The following ZFP82 variants were observed in gnomAD, a reference collection of about 807,000 sequenced individuals.
ZFP82 encodes the protein zinc finger protein 82 homolog.
Under a neutral mutation model 54.0 loss-of-function variants are expected in ZFP82, and 30 were observed. That is an observed-to-expected ratio of 0.56 (90% CI 0.42 to 0.75). The LOEUF (loss-of-function observed/expected upper bound fraction) is 0.75, where lower values mean the gene tolerates loss of function less well. ZFP82 is among the 30% of genes least tolerant of loss of function. ZFP82 has a pLI of 0.00. For synonymous variants in ZFP82, 194 were observed against 209.5 expected (o/e 0.93, Z 0.64); for missense variants, 500 against 636.8 (o/e 0.79, Z 2.31).
chr19:36,399,851 G>A (rs2032353903), intron 4 of ZFP82, among the ~76,000 whole-genome samples: 2 of 152,140 alleles, frequency 1.3e-5, no homozygotes, highest in Non-Finnish European at 2.9e-5. Context: ...GACGTATTCT[G>A]CACTCATACT....
intron 4 of ZFP82, among the ~76,000 whole-genome samples, chr19:36,404,539 T>C (rs1201939812): frequency 6.6e-6 from 1 of 152,248 alleles, no homozygotes; most frequent in African/African-American, 2.4e-5. Context: ...ACTTGTGTCC[T>C]ACATTTACCC....
Position 36,396,834 on chromosome 19 carries a change from C to T in ZFP82, c.230-2724G>A, listed in dbSNP as rs187618822. ...CTGGGTTGGGTGACAGAGCAAGACT[C>T]TGTTTCTTTAAAAAAAAAAAAAAAA... On this transcript the variant is annotated intron_variant, in intron 4 of 4. Coordinates refer to ENST00000392161, the MANE Select transcript of ZFP82 (RefSeq NM_133466.4). Among the ~76,000 whole-genome samples the T allele has an allele frequency of 4.6e-3, 526 of 113,984 alleles. 2 individuals are homozygous for T. Among genetic ancestry groups the T allele is most frequent in the African/African-American group, 0.017 (506 of 29,860 alleles). The allele number at this position is 113,984 out of a possible 152,430, so 74.8% of individuals were successfully genotyped here.
chr19:36,397,988 T>C (rs760589477), intron 4 of ZFP82, among the ~76,000 whole-genome samples: 1 of 152,132 alleles, frequency 6.6e-6, no homozygotes, highest in African/African-American at 2.4e-5. Flanking sequence ...ATAGAGCAAA[T>C]AGAGAATGTG....
rs1191455845 is a variant in ZFP82 at position 36,406,206 on chromosome 19, A to G, written c.137-534T>C. On this transcript the variant is annotated intron_variant, in intron 3 of 4. Coordinates refer to ENST00000392161, the MANE Select transcript of ZFP82 (RefSeq NM_133466.4). ...GTATTATTTCTTGGATATTCAAACA[A>G]TGTTAAATTAAATGTAAAGTTCTTG... 2.0e-5 allele frequency among the ~76,000 whole-genome samples: 3 copies of G among 152,228 alleles called. No individual in the cohort carries two copies. In the East Asian group the frequency reaches 5.8e-4, roughly 29 times the overall value.
rs140457540 is a variant in ZFP82, at chr19:36,400,849, T to G, written c.229+4731A>C. On this transcript the variant is annotated intron_variant, in intron 4 of 4. Coordinates refer to ENST00000392161, the MANE Select transcript of ZFP82 (RefSeq NM_133466.4). ...ACATAATTCCTCCAGAGTTGTCTTA[T>G]ACTCATTCTTGTTACTGCCTCACAA... Among the ~76,000 whole-genome samples the G allele has an allele frequency of 1.1e-3, 160 of 152,304 alleles. 1 individual carries two copies. In the East Asian group the frequency reaches 0.021, roughly 20 times the overall value.
downstream of ZFP82, among the ~76,000 whole-genome samples, chr19:36,385,309 A>G (rs907972098): frequency 6.6e-6 from 1 of 152,130 alleles, no homozygotes; most frequent in Non-Finnish European, 1.5e-5. Flanking sequence ...CAGCCTGTCA[A>G]TCTTGGGCTT....
At chr19:36,396,454 T>C (rs2032294896) in intron 4 of ZFP82, among the ~76,000 whole-genome samples, 2 of 152,120 alleles carry the variant, frequency 1.3e-5, no homozygotes, top group South Asian at 2.1e-4. Context: ...GAGACCATCC[T>C]GACTAACACG....
At chr19:36,409,151 G>C (rs1200594832) in intron 2 of ZFP82, among the ~76,000 whole-genome samples, 1 of 152,110 alleles carries the variant, frequency 6.6e-6, no homozygotes, top group East Asian at 1.9e-4. Flanking sequence ...AAAGATCTCA[G>C]ATCTCTCTAT....
At chr19:36,407,742 C>T in intron 3 of ZFP82, 145 bp downstream of exon 3, 1 of 796,312 alleles carries the variant, frequency 1.3e-6, no homozygotes, top group South Asian at 2.0e-5. Flanking sequence ...GTGCTCACTT[C>T]CAATGAAATA....
At chr19:36,387,793 T>C (rs1013848630), downstream of ZFP82, among the ~76,000 whole-genome samples, 30 of 152,116 alleles carry the variant, frequency 2.0e-4, no homozygotes, top group African/African-American at 7.2e-4. Context: ...TTTGTATTTT[T>C]AGTAGAGATG....
At chr19:36,397,344 C>T (rs1391392869) in intron 4 of ZFP82, among the ~76,000 whole-genome samples, 1 of 152,006 alleles carries the variant, frequency 6.6e-6, no homozygotes, top group African/African-American at 2.4e-5. Context: ...CCACCCGCCT[C>T]GGCCTCCCAA....
chr19:36,403,322 CAAAAAAAAAAA>C (rs138418003), intron 4 of ZFP82, among the ~76,000 whole-genome samples: 7 of 65,514 alleles, frequency 1.1e-4, no homozygotes, highest in Admixed American at 2.0e-4. Context: ...GACTCCATCT[CAAAAAAAAAAA>C]AAAAAAAAGG....
downstream of ZFP82, among the ~76,000 whole-genome samples, chr19:36,385,816 T>C (rs923289306): frequency 2.6e-5 from 4 of 152,202 alleles, no homozygotes; most frequent in African/African-American, 9.6e-5. Context: ...TTAAGAGCAA[T>C]GAACTAATAT....
intron 4 of ZFP82, among the ~76,000 whole-genome samples, chr19:36,402,134 T>C (rs1355972068): frequency 6.6e-6 from 1 of 152,232 alleles, no homozygotes; most frequent in Non-Finnish European, 1.5e-5. Context: ...TGAGTGTTAA[T>C]AATTGCAAAT....
rs1313955639 is a variant in ZFP82, at chr19:36,391,139, AAT to A, written c.*1600_*1601del. On this transcript the variant is annotated 3_prime_UTR_variant, in exon 5 of 5. Coordinates refer to ENST00000392161, the MANE Select transcript of ZFP82 (RefSeq NM_133466.4). ...CTTCACCAACTTTTGGTTGTCTTGA[AAT>A]ATAGTTTGTAAAGGATAGGCAAGGT... 1 of 152,118 alleles carries A rather than the reference AAT, an allele frequency of 6.6e-6. No individual in the cohort carries two copies. Among genetic ancestry groups the A allele is most frequent in the Non-Finnish European group, 1.5e-5 (1 of 68,022 alleles). The allele number at this position is 152,118 out of a possible 1,614,324, so 9.4% of individuals were successfully genotyped here.
At chr19:36,414,049 C>T (rs964707494) in intron 1 of ZFP82, among the ~76,000 whole-genome samples, 11 of 151,338 alleles carry the variant, frequency 7.3e-5, no homozygotes, top group Non-Finnish European at 1.5e-4. Flanking sequence ...TACAGGTGCC[C>T]GCCACCACGC....
chr19:36,411,614 TG>T (rs2032581919), intron 1 of ZFP82, among the ~76,000 whole-genome samples: 1 of 152,078 alleles, frequency 6.6e-6, no homozygotes, highest in Admixed American at 6.5e-5. Flanking sequence ...TTGTTCATAA[TG>T]GAAAAAAGCT....
chr19:36,410,869 C>A (rs2032567835), intron 1 of ZFP82, among the ~76,000 whole-genome samples: 1 of 152,048 alleles, frequency 6.6e-6, no homozygotes, highest in Non-Finnish European at 1.5e-5. Context: ...TCTATCCATG[C>A]AATGGATCAG....
chr19:36,384,106 G>A (rs1278008251), downstream of ZFP82: 1 of 152,132 alleles, frequency 6.6e-6, no homozygotes, highest in Non-Finnish European at 1.5e-5. Context: ...TATTAACTAT[G>A]ACTGAGCAAT....
Sources: allele counts gnomAD v4.1 joint callset (sites outside exome capture counted in the v4.1 genomes callset), GRCh38; gene constraint gnomAD v4.1.1; transcripts MANE v1.5; gene names NCBI Gene and HGNC (gene_info 2026-07-23, HGNC 2026-07-21).